LTBP2: variants seen among roughly 807,000 people sequenced by gnomAD.
LTBP2 encodes latent-transforming growth factor beta-binding protein 2.
Under a neutral mutation model 210.6 loss-of-function variants are expected in LTBP2, and 103 were observed. The ratio of observed to expected loss-of-function variants is 0.49; its 90% CI spans 0.42 to 0.58. The LOEUF is 0.58. Ranked by LOEUF, LTBP2 falls within the 20% of genes least tolerant of loss-of-function variation. The pLI is 0.00. For synonymous variants in LTBP2, 1,007 were observed against 1,015.0 expected (o/e 0.99, Z 0.15); for missense variants, 2,313 against 2,494.5 (o/e 0.93, Z 1.55).
At position 74,529,009 on chromosome 14, in the gene LTBP2, C is replaced by T. The variant is rs1293064484; in HGVS notation, c.2101G>A (p.Val701Met). The change falls in exon 11 of 36, where the codon GTG (valine) becomes ATG (methionine). Residue 701 changes from valine to methionine, a missense_variant. Val to Met is a conservative substitution (Grantham distance 21). This residue lies in a region of LTBP2 where 1,867 missense variants were observed against 1,976.9 expected (regional missense o/e 0.94). Coordinates refer to ENST00000261978, the MANE Select transcript of LTBP2 (RefSeq NM_000428.3). ...CACTCGCTGCCCCATGCTTTGCCCACGCGGCTGCAGCAGCATATCTGCTTG... is the reference window on the plus strand; with the variant it reads ...CACTCGCTGCCCCATGCTTTGCCCATGCGGCTGCAGCAGCATATCTGCTTG... ...ITKQICCCSR[V>M]GKAWGSECEK... 12 of 1,604,866 alleles carry T rather than the reference C, an allele frequency of 7.5e-6. No homozygotes were observed. Among genetic ancestry groups the T allele is most frequent in the Admixed American group, 3.4e-5 (2 of 58,992 alleles).
rs373261977 is a variant in LTBP2 at position 74,503,585 on chromosome 14, A to G, written c.4604T>C (p.Leu1535Pro). Residue 1535 changes from leucine (L) to proline (P), a missense_variant, in exon 32 of 36, where the codon CTG becomes CCG. Physicochemically the swap from Leu to Pro is moderately conservative, Grantham distance 98. Transcript: ENST00000261978. The part of the protein sequence containing the change: ...KCEDHDECQD[L>P]ACENGECVNT... ...GACGCACTCGCCATTCTCACAGGCC[A>G]GGTCCTGGCACTCATCGTGATCTGG... is the stretch of plus-strand genomic sequence containing the variant. The G allele has an allele frequency of 4.3e-6, 7 of 1,613,732 alleles. No individual in the cohort carries two copies. The African/African-American group carries it at 9.3e-5, about 22-fold the overall frequency.
At chr14:74,574,315 C>G (rs1389751753) in intron 3 of LTBP2, among the ~76,000 whole-genome samples, 1 of 152,180 alleles carries the variant, frequency 6.6e-6, no homozygotes, top group Non-Finnish European at 1.5e-5. Flanking sequence ...CCATGGTAAC[C>G]ATAATTCTAA....
chr14:74,563,372 T>C (rs1431339705), intron 3 of LTBP2, among the ~76,000 whole-genome samples: 2 of 152,200 alleles, frequency 1.3e-5, no homozygotes, highest in African/African-American at 4.8e-5. Flanking sequence ...CACTATTTTG[T>C]AATAGCAAAA....
intron 34 of LTBP2, 49 bp from the exon 35 acceptor site, chr14:74,501,639 ACT>A (rs1373123166): frequency 6.2e-7 from 1 of 1,610,442 alleles, no homozygotes; most frequent in Non-Finnish European, 8.5e-7. Context: ...CTGTGTCCAG[ACT>A]CTCCCTAATG....
chr14:74,524,647 G>A (rs1302850920), intron 15 of LTBP2, among the ~76,000 whole-genome samples: 7 of 152,210 alleles, frequency 4.6e-5, no homozygotes, highest in African/African-American at 1.7e-4. Context: ...ACCAGAGGGA[G>A]AGGAATGCAG....
intron 2 of LTBP2, among the ~76,000 whole-genome samples, chr14:74,597,866 T>C (rs187703249): frequency 1.4e-4 from 22 of 152,296 alleles, no homozygotes; most frequent in Non-Finnish European, 2.6e-4. Context: ...TGGCTCCTGG[T>C]TCCTGGCTCC....
intron 2 of LTBP2, among the ~76,000 whole-genome samples, chr14:74,591,057 A>G (rs973245160): frequency 1.3e-5 from 2 of 152,208 alleles, no homozygotes; most frequent in African/African-American, 4.8e-5. Flanking sequence ...AAACCCTGTG[A>G]GCCAAGCCCC....
At chr14:74,519,561 T>C (rs1021205123) in intron 17 of LTBP2, among the ~76,000 whole-genome samples, 4 of 151,732 alleles carry the variant, frequency 2.6e-5, no homozygotes, top group African/African-American at 7.3e-5. Context: ...TAGATATAAA[T>C]ATCAAATCAT....
Position 74,521,997 on chromosome 14 carries a change from C to T in LTBP2, c.2702G>A (p.Arg901His), listed in dbSNP as rs375251079. The stretch of plus-strand genomic sequence containing the variant: ...GTAGGACCCCACGCGGTTGATGCAG[C>T]GCCCTTTTCCCTTGCAGGGGTCCCT... ...CLRDPCKGKGRCINRVGSYSC... is the reference protein window; with the variant it reads ...CLRDPCKGKGHCINRVGSYSC... The change falls in exon 17 of 36, where the codon CGC (arginine) becomes CAC (histidine). Residue 901 changes from arginine to histidine, a missense_variant. This residue lies in a region of LTBP2 where 1,867 missense variants were observed against 1,976.9 expected (regional missense o/e 0.94). Coordinates refer to ENST00000261978, the MANE Select transcript of LTBP2 (RefSeq NM_000428.3). The T allele has an allele frequency of 4.2e-5, 68 of 1,613,880 alleles. No homozygotes were observed. The highest frequency in any genetic ancestry group is 8.3e-5 in the Admixed American group (5 of 59,964).
chr14:74,564,101 A>ATT (rs2087840826), intron 3 of LTBP2, among the ~76,000 whole-genome samples: 1 of 25,560 alleles, frequency 3.9e-5, no homozygotes, highest in African/African-American at 1.4e-4. Context: ...ATATATATTT[A>ATT]TATATATATT....
At chr14:74,567,274 C>T (rs558882199) in intron 3 of LTBP2, among the ~76,000 whole-genome samples, 3 of 152,332 alleles carry the variant, frequency 2.0e-5, no homozygotes. Flanking sequence ...CCAGCCCCCT[C>T]ATGTGTTGGT....
intron 3 of LTBP2, among the ~76,000 whole-genome samples, chr14:74,567,643 T>G (rs1251332103): frequency 1.3e-5 from 2 of 152,004 alleles, no homozygotes; most frequent in Non-Finnish European, 2.9e-5. Context: ...ACCCAAAGGG[T>G]TGCAGCTCGG....
intron 3 of LTBP2, 32 bp from the exon 4 acceptor site, chr14:74,555,725 A>ACACTGTT: frequency 6.8e-7 from 1 of 1,463,056 alleles, no homozygotes; most frequent in Non-Finnish European, 9.1e-7. Context: ...GGGGGTTTGC[A>ACACTGTT]CCCTGGGAAC....
Position 74,524,096 on chromosome 14 carries a change from C to T in LTBP2, c.2530+1028G>A, listed in dbSNP as rs564560512. 2.2e-3 allele frequency among the ~76,000 whole-genome samples: 334 copies of T among 152,206 alleles called. 1 individual carries two copies. The highest frequency in any genetic ancestry group is 5.5e-3 in the African/African-American group (228 of 41,530). On this transcript the variant is annotated intron_variant, in intron 15 of 35. Coordinates refer to ENST00000261978, the MANE Select transcript of LTBP2 (RefSeq NM_000428.3). The stretch of plus-strand genomic sequence containing the variant: ...CTGGGGTTGCGGTGGGGACACTCAT[C>T]CACATGCCAAGAGCTGCTGCTGAGC...
rs1279859747 is a variant in LTBP2 at position 74,611,507 on chromosome 14, C to T, written c.438G>A (p.Gly146=). 1.3e-6 allele frequency: 2 copies of T among 1,527,994 alleles called. No homozygotes were observed. Among genetic ancestry groups the T allele is most frequent in the South Asian group, 1.3e-5 (1 of 78,796 alleles). 94.7% of individuals were successfully genotyped at this position (1,527,994 alleles called of 1,614,324 possible). ...GCGCAGCCCCAGACCGCTGTGGGGTCCCCAGGCGTGGGAGAGCCGGCGCGG... is the reference window on the plus strand; with the variant it reads ...GCGCAGCCCCAGACCGCTGTGGGGTTCCCAGGCGTGGGAGAGCCGGCGCGG... ...TRAAPALPRL[G]TPQRSGAAPP... is the part of the protein sequence containing the mutation. The change falls in exon 1 of 36, where the codon GGG becomes GGA. Residue 146 remains glycine (G), a synonymous_variant. Transcript: ENST00000261978.
chr14:74,598,364 A>C lies in LTBP2; in HGVS notation c.565+5271T>G, dbSNP rs116397978. Among the ~76,000 whole-genome samples the C allele has an allele frequency of 5.0e-3, 755 of 152,324 alleles. 7 individuals carry two copies. The highest frequency in any genetic ancestry group is 0.017 in the African/African-American group (726 of 41,578). On this transcript the variant is annotated intron_variant, in intron 2 of 35. Coordinates refer to ENST00000261978, the MANE Select transcript of LTBP2 (RefSeq NM_000428.3). ...AAATGCTCAGGCCCACTCCAGCGTC[A>C]CCATCCCCAGGATCCCCTGAACACC...
Position 74,530,883 on chromosome 14 carries a change from G to A in LTBP2, c.1987+1543C>T, listed in dbSNP as rs547129375. On this transcript the variant is annotated intron_variant, in intron 10 of 35. Coordinates refer to ENST00000261978, the MANE Select transcript of LTBP2 (RefSeq NM_000428.3). The stretch of plus-strand genomic sequence containing the variant: ...TGTCACTTGCAATCCAAAGACTCCC[G>A]ATTAATAAACTTTCTTCGTGGTATT... 2.7e-4 allele frequency among the ~76,000 whole-genome samples: 41 copies of A among 152,340 alleles called. 1 individual carries two copies. In the South Asian group the frequency reaches 6.4e-3, roughly 24 times the overall value.
At chr14:74,533,629 A>G (rs2087379651) in intron 9 of LTBP2, among the ~76,000 whole-genome samples, 1 of 152,204 alleles carries the variant, frequency 6.6e-6, no homozygotes, top group Admixed American at 6.5e-5. Context: ...GAGGGTCAGA[A>G]GGGCACATCT....
chr14:74,517,361 T>C (rs2087149289), intron 17 of LTBP2, among the ~76,000 whole-genome samples: 1 of 151,424 alleles, frequency 6.6e-6, no homozygotes, highest in Non-Finnish European at 1.5e-5. Flanking sequence ...TCTTCCTTTA[T>C]TTATTTATTG....
Sources: gnomAD v4.1 joint callset for allele counts (sites outside exome capture counted in the v4.1 genomes callset) on GRCh38, gnomAD v4.1.1 for gene constraint, gnomAD v4.1.1 regional missense constraint, MANE v1.5 for transcripts, NCBI Gene and HGNC (gene_info 2026-07-23, HGNC 2026-07-21) for gene names.